NSF: variants seen among roughly 807,000 people sequenced by gnomAD.
NSF encodes the protein vesicle-fusing ATPase.
A neutral mutation model predicts 50.3 loss-of-function variants in NSF; 14 were observed. The observed-to-expected ratio is 0.28, with a 90% confidence interval of 0.18 to 0.44. The LOEUF is 0.44. Ranked by LOEUF, NSF falls within the 20% of genes least tolerant of loss-of-function variation. The pLI is 1.00. For synonymous variants in NSF, 109 were observed against 175.7 expected, an observed-to-expected ratio of 0.62 and a Z score of 3.00; for missense variants, 218 against 504.3, an observed-to-expected ratio of 0.43 and a Z score of 5.44.
At chr17:46,748,900 G>A (rs943799151) in intron 17 of NSF, among the ~76,000 whole-genome samples, 2 of 152,258 alleles carry the variant, frequency 1.3e-5, no homozygotes, top group Admixed American at 6.5e-5. Context: ...TGGCCTAGCT[G>A]TAAACCACAT....
intron 13 of NSF, among the ~76,000 whole-genome samples, chr17:46,708,445 G>A (rs1026350963): frequency 6.7e-6 from 1 of 149,996 alleles, no homozygotes; most frequent in Non-Finnish European, 1.5e-5. Context: ...ATGATTAGTG[G>A]TGATAAGTAT....
intron 15 of NSF, among the ~76,000 whole-genome samples, chr17:46,725,455 C>G (rs1159390942): frequency 6.6e-6 from 1 of 152,008 alleles, no homozygotes; most frequent in Non-Finnish European, 1.5e-5. Context: ...GAGAAATTGT[C>G]AGTATTTATG....
intron 15 of NSF, among the ~76,000 whole-genome samples, chr17:46,717,811 GT>G (rs1436352740): frequency 6.6e-6 from 1 of 152,198 alleles, no homozygotes; most frequent in Non-Finnish European, 1.5e-5. Flanking sequence ...AGCGAACAAG[GT>G]GACGGAAATC....
intron 17 of NSF, among the ~76,000 whole-genome samples, chr17:46,729,857 G>GT (rs919915386): frequency 4.2e-4 from 63 of 151,372 alleles, no homozygotes; most frequent in African/African-American, 1.4e-3. Context: ...TTTTTCTGGA[G>GT]TTTTTTTTTA....
chr17:46,731,596 A>G (rs1568051318), intron 17 of NSF, among the ~76,000 whole-genome samples: 1 of 152,170 alleles, frequency 6.6e-6, no homozygotes, highest in Admixed American at 6.5e-5. Flanking sequence ...CATCCAAGGT[A>G]CGTGGCCCAG....
chr17:46,744,284 ATT>A (rs1360900121), intron 17 of NSF, among the ~76,000 whole-genome samples: 1 of 152,204 alleles, frequency 6.6e-6, no homozygotes, highest in Non-Finnish European at 1.5e-5. Context: ...TCTATTTCAT[ATT>A]TTACTTACCA....
At chr17:46,623,305 G>A (rs2058084247) in intron 1 of NSF, among the ~76,000 whole-genome samples, 1 of 34,472 alleles carries the variant, frequency 2.9e-5, no homozygotes, top group African/African-American at 1.8e-4. Context: ...GTGACAGAGT[G>A]AGACTCCATC....
intron 17 of NSF, among the ~76,000 whole-genome samples, chr17:46,741,359 A>G (rs2059069561): frequency 6.6e-6 from 1 of 152,168 alleles, no homozygotes; most frequent in Non-Finnish European, 1.5e-5. Flanking sequence ...AGTATTTTAA[A>G]TTATTAAGGG....
intron 17 of NSF, among the ~76,000 whole-genome samples, chr17:46,733,790 T>G (rs188223387): frequency 6.6e-6 from 1 of 152,312 alleles, no homozygotes; most frequent in African/African-American, 2.4e-5. Flanking sequence ...GAATTACCAC[T>G]CCAACGTCAT....
At chr17:46,720,480 G>A (rs1247876817) in intron 15 of NSF, among the ~76,000 whole-genome samples, 2 of 152,144 alleles carry the variant, frequency 1.3e-5, no homozygotes, top group Non-Finnish European at 2.9e-5. Context: ...GTCATTCCAG[G>A]AAGCTTTAGA....
intron 15 of NSF, among the ~76,000 whole-genome samples, chr17:46,717,188 GCAA>G (rs1221544697): frequency 6.6e-6 from 1 of 152,098 alleles, no homozygotes; most frequent in Non-Finnish European, 1.5e-5. Flanking sequence ...CTTGTCATTT[GCAA>G]CAACATGGAT....
chr17:46,737,830 C>T (rs2059023892), intron 17 of NSF, among the ~76,000 whole-genome samples: 1 of 151,816 alleles, frequency 6.6e-6, no homozygotes, highest in African/African-American at 2.4e-5. Context: ...TAGTCAGGGC[C>T]ATTGTGCCAT....
At chr17:46,730,994 G>A (rs35937770) in intron 17 of NSF, among the ~76,000 whole-genome samples, 37,700 of 151,996 alleles carry the variant, frequency 0.25, 5,836 homozygotes, top group Non-Finnish European at 0.33. Context: ...TAAGCATAGA[G>A]TTACCATATA....
chr17:46,739,791 C>T (rs908672228), intron 17 of NSF, among the ~76,000 whole-genome samples: 3 of 151,760 alleles, frequency 2.0e-5, no homozygotes, highest in Non-Finnish European at 2.9e-5. Context: ...CTCTGCCTCC[C>T]GGGTTCAAGC....
At chr17:46,723,689 C>T (rs964811248) in intron 15 of NSF, among the ~76,000 whole-genome samples, 3 of 152,166 alleles carry the variant, frequency 2.0e-5, no homozygotes, top group African/African-American at 4.8e-5. Context: ...TTTTCTCTTT[C>T]ATCACCACAC....
chr17:46,720,586 G>T (rs1206307489), intron 15 of NSF, among the ~76,000 whole-genome samples: 1 of 152,158 alleles, frequency 6.6e-6, no homozygotes, highest in Middle Eastern at 3.2e-3. Flanking sequence ...TTAGAAACGA[G>T]ATTATTACTG....
At chr17:46,704,936 A>G (rs1026383304) in intron 13 of NSF, 82 bp downstream of exon 13, 72 of 1,383,714 alleles carry the variant, frequency 5.2e-5, no homozygotes, top group Non-Finnish European at 6.3e-5. Flanking sequence ...CCATTTACTC[A>G]GTATTATGGA....
rs1425776544 is a variant in NSF, at chr17:46,655,962, A to G, written c.745+12703A>G. Among the ~76,000 whole-genome samples the G allele has an allele frequency of 6.2e-5, 6 of 97,216 alleles. No individual in the cohort carries two copies. In the South Asian group the frequency reaches 8.9e-4, roughly 14 times the overall value. The allele number at this position is 97,216 out of a possible 152,430, so 63.8% of individuals were successfully genotyped here. A position where few individuals can be genotyped will look rare whatever the true frequency, so the allele number is the denominator to read the frequency against. ...TGAACTTATAATATTTTAGCAACTC[A>G]TAAAATAACTTGAAGAAAAAGATCA... On this transcript the variant is annotated intron_variant, in intron 8 of 20. Transcript: ENST00000398238.
intron 1 of NSF, among the ~76,000 whole-genome samples, chr17:46,601,753 T>G (rs1156664957): frequency 6.6e-6 from 1 of 150,726 alleles, no homozygotes; most frequent in Non-Finnish European, 1.5e-5. Context: ...AACACTGTTT[T>G]AATTGCTGTA....
Sources: allele counts gnomAD v4.1 joint callset (sites outside exome capture counted in the v4.1 genomes callset), GRCh38; gene constraint gnomAD v4.1.1; transcripts MANE v1.5; gene names NCBI Gene and HGNC (gene_info 2026-07-23, HGNC 2026-07-21).